The following TMEM63A variants were observed in gnomAD, a reference collection of about 807,000 sequenced individuals.
TMEM63A encodes the protein transmembrane protein 63A.
Under a neutral mutation model 100.6 loss-of-function variants are expected in TMEM63A, and 76 were observed. The observed-to-expected ratio is 0.76, with a 90% CI of 0.63 to 0.91. The LOEUF (loss-of-function observed/expected upper bound fraction) is 0.91. Ranked by LOEUF, TMEM63A falls within the 40% of genes least tolerant of loss-of-function variation. TMEM63A has a pLI of 0.00. For synonymous variants in TMEM63A, 401 were observed against 401.1 expected (o/e 1.00, Z 0.00); for missense variants, 876 against 1,008.8 (o/e 0.87, Z 1.78).
intron 2 of TMEM63A, among the ~76,000 whole-genome samples, chr1:225,878,597 C>A (rs547174215): frequency 2.6e-5 from 4 of 152,256 alleles, no homozygotes; most frequent in Admixed American, 6.5e-5. Context: ...TGTCCAAGTT[C>A]TCATGCTGTG....
chr1:225,867,883 A>AC lies in TMEM63A; in HGVS notation c.514+4_514+5insG. The AC allele has an allele frequency of 6.2e-7, 1 of 1,614,130 alleles. No homozygotes were observed. ...AACATAGACAAGGGTGAGGAGGGTCATTACCCAGCAAGTCCCCTGAGAGGT... is the reference window on the plus strand; with the variant it reads ...AACATAGACAAGGGTGAGGAGGGTCACTTACCCAGCAAGTCCCCTGAGAGGT... On this transcript the variant is annotated splice_donor_region_variant and intron_variant, in intron 7 of 24. Transcript: ENST00000366835. This position sits in a 1 kb window ranked among gnomAD's most constrained non-coding sequence, Gnocchi z 4.6.
intron 13 of TMEM63A, 28 bp from the exon 14 acceptor site, chr1:225,861,025 C>A: frequency 6.3e-7 from 1 of 1,581,784 alleles, no homozygotes; most frequent in Non-Finnish European, 8.6e-7. Flanking sequence ...AACAGCCAGG[C>A]CCAGGCTACT....
rs374560187 is a variant in TMEM63A, at chr1:225,848,969, C to A, written c.2115G>T (p.Leu705=). ...GAGCCAGGCAGACCAGGATGGTGAG[C>A]AGCAGCACCAGGAAGGTGAACAGAG... ...PATLFTFLVL[L]LTILVCLAHT... The change falls in exon 22 of 25, where the codon CTG becomes CTT. Residue 705 remains leucine, a synonymous_variant. Transcript: ENST00000366835. The A allele has an allele frequency of 1.5e-5, 24 of 1,604,414 alleles. No homozygotes were observed. Among genetic ancestry groups the A allele is most frequent in the African/African-American group, 2.7e-5 (2 of 74,708 alleles).
chr1:225,848,862 G>A, intron 22 of TMEM63A, 35 bp downstream of exon 22: 1 of 1,512,568 alleles, frequency 6.6e-7, no homozygotes, highest in South Asian at 1.2e-5. Flanking sequence ...GTTCCTCCCA[G>A]GGCTTGACCG....
chr1:225,848,227 G>A (rs1162489543), intron 23 of TMEM63A: 1 of 500,188 alleles, frequency 2.0e-6, no homozygotes, highest in Non-Finnish European at 3.5e-6. Flanking sequence ...TAAATATGCA[G>A]AGAAGGAAAG....
chr1:225,847,128 G>C lies in TMEM63A; in HGVS notation c.2336C>G (p.Ala779Gly), dbSNP rs1669045110. The stretch of plus-strand genomic sequence containing the variant: ...GATAGTCCCGCTGATGTTGTGGATG[G>C]CACCATAGGTCTGCTGCTGCTGCTG... ...PQQQQQQTYGAIHNISGTIPG... is the reference protein window; with the variant it reads ...PQQQQQQTYGGIHNISGTIPG... Residue 779 changes from alanine (A) to glycine (G), a missense_variant, in exon 24 of 25, where the codon GCC becomes GGC. Ala to Gly is a moderately conservative substitution (Grantham distance 60). Around this residue, in one of 5 missense-constraint regions of TMEM63A, gnomAD observed 339 missense variants for 342.3 expected, o/e 0.99. Coordinates refer to ENST00000366835, the MANE Select transcript of TMEM63A (RefSeq NM_014698.3). 4 of 1,613,800 alleles carry C rather than the reference G, an allele frequency of 2.5e-6. No homozygotes were observed. The highest frequency in any genetic ancestry group is 3.4e-6 in the Non-Finnish European group (4 of 1,180,036).
chr1:225,880,852 G>A (rs570804070), intron 1 of TMEM63A, among the ~76,000 whole-genome samples: 1 of 152,354 alleles, frequency 6.6e-6, no homozygotes, highest in African/African-American at 2.4e-5. Context: ...GACTGGCCTG[G>A]TGGTCAACTT....
intron 15 of TMEM63A, 150 bp from the exon 16 acceptor site, chr1:225,857,167 A>T: frequency 5.0e-6 from 3 of 598,196 alleles, no homozygotes; most frequent in South Asian, 2.7e-5. Context: ...CCAGGTACAG[A>T]GTTGGTAGTC....
chr1:225,882,130 C>G (rs1226532101), intron 1 of TMEM63A, among the ~76,000 whole-genome samples, 174 bp downstream of exon 1: 1 of 152,228 alleles, frequency 6.6e-6, no homozygotes, highest in Non-Finnish European at 1.5e-5. Flanking sequence ...GGAATGGAGG[C>G]GCTGCCCGGA....
intron 9 of TMEM63A, chr1:225,866,318 C>T: frequency 1.9e-6 from 1 of 522,618 alleles, no homozygotes; most frequent in Non-Finnish European, 3.4e-6. Flanking sequence ...CTGTGGGCGG[C>T]AAAGAGAAAG....
rs1576074119 is a variant in TMEM63A at position 225,853,522 on chromosome 1, T to G, written c.1797+107A>C. ...GTGCCTGCACTAGTGGGTAGTCAGG[T>G]AAATGCTACCCACTAGTGGGGGTAG... On this transcript the variant is annotated intron_variant, in intron 19 of 24. Coordinates refer to ENST00000366835, the MANE Select transcript of TMEM63A (RefSeq NM_014698.3). This position sits in a 1 kb window ranked among gnomAD's most constrained non-coding sequence, Gnocchi z 4.0. 2 of 1,161,644 alleles carry G rather than the reference T, an allele frequency of 1.7e-6. No individual in the cohort carries two copies. Among genetic ancestry groups the G allele is most frequent in the Non-Finnish European group, 1.2e-6 (1 of 853,612 alleles). 72.0% of individuals were successfully genotyped at this position (1,161,644 alleles called of 1,614,324 possible). A position where few individuals can be genotyped will look rare whatever the true frequency, so the allele number is the denominator to read the frequency against.
At chr1:225,868,749 T>G (rs920456310) in intron 6 of TMEM63A, among the ~76,000 whole-genome samples, 11 of 150,948 alleles carry the variant, frequency 7.3e-5, no homozygotes, top group Non-Finnish European at 1.3e-4. Flanking sequence ...CCCCCACCTG[T>G]TTCCTGTCTC....
At chr1:225,848,029 T>A (rs960923820) in intron 23 of TMEM63A, among the ~76,000 whole-genome samples, 1 of 152,206 alleles carries the variant, frequency 6.6e-6, no homozygotes, top group Non-Finnish European at 1.5e-5. Flanking sequence ...TGTGTCTCTC[T>A]ACCATGGGGT....
intron 9 of TMEM63A, chr1:225,866,353 T>C: frequency 3.7e-6 from 2 of 546,604 alleles, no homozygotes; most frequent in Non-Finnish European, 6.6e-6. Flanking sequence ...CAAATTTCTT[T>C]ACTTAGCACC....
At position 225,846,832 on chromosome 1, in the gene TMEM63A, G is replaced by T. The variant is rs945933372; in HGVS notation, c.*107C>A. The T allele has an allele frequency of 5.5e-5, 30 of 546,696 alleles. No individual in the cohort carries two copies. The African/African-American group carries it at 5.6e-4, about 10-fold the overall frequency. The allele number at this position is 546,696 out of a possible 1,614,324, so 33.9% of individuals were successfully genotyped here. A position where few individuals can be genotyped will look rare whatever the true frequency, so the allele number is the denominator to read the frequency against. On this transcript the variant is annotated 3_prime_UTR_variant, in exon 25 of 25. Transcript: ENST00000366835. ...CACCACTGCTGGGACCAGAAAAGATGGGCACCTGATAGCTCAGCTGGGCAG... is the reference window on the plus strand; with the variant it reads ...CACCACTGCTGGGACCAGAAAAGATTGGCACCTGATAGCTCAGCTGGGCAG...
intron 17 of TMEM63A, among the ~76,000 whole-genome samples, chr1:225,856,336 T>TTTG (rs1328284982): frequency 6.7e-6 from 1 of 149,494 alleles, no homozygotes; most frequent in African/African-American, 2.5e-5. Flanking sequence ...GGTTTTTTTT[T>TTTG]TTTTTTTTTT....
intron 14 of TMEM63A, 177 bp from the exon 15 acceptor site, chr1:225,859,526 A>G (rs542156746): frequency 5.0e-5 from 37 of 739,842 alleles, no homozygotes; most frequent in Admixed American, 4.0e-4. Context: ...AGAGGGAACA[A>G]TTATTCTCTC....
downstream of TMEM63A, chr1:225,845,454 CCATGCT>C: frequency 2.5e-6 from 3 of 1,214,532 alleles, no homozygotes; most frequent in Non-Finnish European, 3.5e-6. Flanking sequence ...CGTCCCCTGC[CCATGCT>C]GGGAGCCCAC....
intron 5 of TMEM63A, 120 bp from the exon 6 acceptor site, chr1:225,871,233 T>C: frequency 9.8e-7 from 1 of 1,017,650 alleles, no homozygotes; most frequent in Non-Finnish European, 1.5e-6. Flanking sequence ...AACAGTGCTT[T>C]TATCCCATAT....
Sources: gnomAD v4.1 joint callset for allele counts (sites outside exome capture counted in the v4.1 genomes callset) on GRCh38, gnomAD v4.1.1 for gene constraint, gnomAD v4.1.1 regional missense constraint, Gnocchi (gnomAD v3.1) non-coding constraint, MANE v1.5 for transcripts, NCBI Gene and HGNC (gene_info 2026-07-23, HGNC 2026-07-21) for gene names.